SASH1: variants seen among roughly 807,000 people sequenced by gnomAD.
SASH1 encodes SAM and SH3 domain-containing protein 1.
A neutral mutation model predicts 125.2 loss-of-function variants in SASH1; 44 were observed. The observed-to-expected ratio is 0.35, with a 90% confidence interval of 0.28 to 0.45. The LOEUF is 0.45. Among genes scored for constraint, SASH1 ranks in the 20% least tolerant of loss-of-function variants. The probability of loss-of-function intolerance (pLI) is 1.00; values close to 1 mark genes in which losing one functional copy is unlikely to be tolerated. For missense variants in SASH1, 1,426 were observed against 1,614.5 expected (o/e 0.88, Z 2.00); for synonymous variants, 639 against 649.1 (o/e 0.98, Z 0.24).
chr6:148,427,846 C>T (rs184188397), intron 2 of SASH1, among the ~76,000 whole-genome samples: 1 of 152,310 alleles, frequency 6.6e-6, no homozygotes, highest in East Asian at 1.9e-4. Context: ...GAGTGTGGAC[C>T]TCAGGGAGGC....
Position 148,510,625 on chromosome 6 carries a change from T to A in SASH1, c.730-3699T>A, listed in dbSNP as rs148000330. ...TTAAAATATACATAGTATTTGAATT[T>A]AAAAATTATATATTTTTTATGTTTA... On this transcript the variant is annotated intron_variant, in intron 8 of 19. Coordinates refer to ENST00000367467, the MANE Select transcript of SASH1 (RefSeq NM_015278.5). Among the ~76,000 whole-genome samples the A allele has an allele frequency of 4.4e-3, 672 of 152,176 alleles. 5 individuals carry two copies. Among genetic ancestry groups the A allele is most frequent in the African/African-American group, 0.016 (651 of 41,566 alleles).
At chr6:148,210,607 C>G in the SASH1 span, among the ~76,000 whole-genome samples, 1 of 152,208 alleles carries the variant, frequency 6.6e-6, no homozygotes, top group Non-Finnish European at 1.5e-5. Context: ...GGTTTTTTCT[C>G]TGTTCCAAGA....
At chr6:148,391,031 G>A (rs887613097) in intron 2 of SASH1, among the ~76,000 whole-genome samples, 1 of 151,088 alleles carries the variant, frequency 6.6e-6, no homozygotes, top group African/African-American at 2.5e-5. Flanking sequence ...CAATAATCAC[G>A]TTGGTGTTTT....
Position 148,544,517 on chromosome 6 carries a change from C to A in SASH1, c.3047C>A (p.Ala1016Glu), listed in dbSNP as rs367842173. ...AGTGGGGCCCTCCCCAGTCCCGATGCGCCATGCCTGCCAGTGAAAAGGGGC... is the reference window on the plus strand; with the variant it reads ...AGTGGGGCCCTCCCCAGTCCCGATGAGCCATGCCTGCCAGTGAAAAGGGGC... The part of the protein sequence containing the change: ...GPSGALPSPD[A>E]PCLPVKRGSP... The change falls in exon 18 of 20, where the codon GCG becomes GAG. Residue 1016 changes from alanine (A) to glutamate (E), a missense_variant. Physicochemically the swap from Ala to Glu is moderately radical, Grantham distance 107. Transcript: ENST00000367467. The surrounding 1 kb of genome is among the most constrained non-coding windows in gnomAD (Gnocchi z 6.4). 1 of 1,613,258 alleles carries A rather than the reference C, an allele frequency of 6.2e-7. No individual in the cohort carries two copies. The highest frequency in any genetic ancestry group is 8.5e-7 in the Non-Finnish European group (1 of 1,179,984).
Position 148,505,343 on chromosome 6 carries a change from T to C in SASH1, c.730-8981T>C, listed in dbSNP as rs540282101. 4.6e-5 allele frequency among the ~76,000 whole-genome samples: 7 copies of C among 152,374 alleles called. No homozygotes were observed. In the South Asian group the frequency reaches 1.5e-3, roughly 32 times the overall value. On this transcript the variant is annotated intron_variant, in intron 8 of 19. Coordinates refer to ENST00000367467, the MANE Select transcript of SASH1 (RefSeq NM_015278.5). ...TGTTTTTGTTTTTTGAGATGGAGTC[T>C]TGCTCTGTCACCCAGGCTGGAGTGC...
the SASH1 span, among the ~76,000 whole-genome samples, chr6:148,228,856 C>T: frequency 6.6e-6 from 1 of 152,128 alleles, no homozygotes; most frequent in African/African-American, 2.4e-5. Context: ...AAAATCTTGG[C>T]TGGGCGCAGT....
At chr6:148,239,122 A>T in the SASH1 span, among the ~76,000 whole-genome samples, 3 of 152,142 alleles carry the variant, frequency 2.0e-5, no homozygotes, top group African/African-American at 7.2e-5. Flanking sequence ...TTCTGAACTT[A>T]TTTGAGGTAG....
intron 1 of SASH1, among the ~76,000 whole-genome samples, chr6:148,352,368 C>T (rs1176110119): frequency 4.6e-5 from 7 of 151,798 alleles, no homozygotes; most frequent in East Asian, 1.9e-4. Flanking sequence ...GAGGCCAAGG[C>T]GGTGGATCAC....
intron 1 of SASH1, among the ~76,000 whole-genome samples, chr6:148,379,646 A>T (rs1262790126): frequency 6.6e-6 from 1 of 152,144 alleles, no homozygotes; most frequent in Non-Finnish European, 1.5e-5. Context: ...CATTCATTTG[A>T]TAAGTATTTA....
chr6:148,349,331 C>T (rs1230589120), intron 1 of SASH1, among the ~76,000 whole-genome samples: 3 of 127,334 alleles, frequency 2.4e-5, no homozygotes, highest in East Asian at 2.6e-4. Context: ...GGCGCGATCT[C>T]GGCTCACTGC....
At chr6:148,526,304 C>T (rs1337297380) in intron 11 of SASH1, among the ~76,000 whole-genome samples, 6 of 152,106 alleles carry the variant, frequency 3.9e-5, no homozygotes, top group East Asian at 1.9e-4. Context: ...CCTTGTGATC[C>T]GCCCATCTTG....
chr6:148,248,565 G>A, the SASH1 span, among the ~76,000 whole-genome samples: 1 of 152,150 alleles, frequency 6.6e-6, no homozygotes, highest in Non-Finnish European at 1.5e-5. Flanking sequence ...TTATAAAGAA[G>A]CAATTACCAT....
chr6:148,334,578 G>T (rs1266177578), intron 1 of SASH1, among the ~76,000 whole-genome samples: 1 of 151,952 alleles, frequency 6.6e-6, no homozygotes, highest in Non-Finnish European at 1.5e-5. Context: ...TTGGGAGGCC[G>T]AGGCAGGCGG....
Position 148,529,942 on chromosome 6 carries a change from GA to G in SASH1, c.1429-1583del, listed in dbSNP as rs1408044367. 6.6e-6 allele frequency among the ~76,000 whole-genome samples: 1 copy of G among 152,046 alleles called. No homozygotes were observed. On this transcript the variant is annotated intron_variant, in intron 12 of 19. Coordinates refer to ENST00000367467, the MANE Select transcript of SASH1 (RefSeq NM_015278.5). The surrounding 1 kb of genome is among the most constrained non-coding windows in gnomAD (Gnocchi z 4.2). Reference sequence around the variant, plus strand: ...CCACCTCAGCCTCTTGAGTAGCTGGGACTACAGGCACGTGCCACCATACCCG... The same window carrying G: ...CCACCTCAGCCTCTTGAGTAGCTGGGCTACAGGCACGTGCCACCATACCCG...
intron 16 of SASH1, among the ~76,000 whole-genome samples, chr6:148,539,839 T>C (rs1782111062): frequency 6.6e-6 from 1 of 151,984 alleles, no homozygotes; most frequent in African/African-American, 2.4e-5. Flanking sequence ...AGTTTTGGGG[T>C]TTGTGCCTCG....
intron 1 of SASH1, among the ~76,000 whole-genome samples, chr6:148,388,469 C>A (rs951104070): frequency 6.6e-6 from 1 of 152,216 alleles, no homozygotes; most frequent in African/African-American, 2.4e-5. Flanking sequence ...TTTGTCCAGA[C>A]ACATTCAAAG....
intron 1 of SASH1, among the ~76,000 whole-genome samples, chr6:148,378,654 T>G (rs866814181): frequency 6.6e-6 from 1 of 152,222 alleles, no homozygotes; most frequent in South Asian, 2.1e-4. Flanking sequence ...GCCTGGTTGA[T>G]AATTCTTTCT....
chr6:148,282,431 G>C (rs1348650038), intron 1 of SASH1, among the ~76,000 whole-genome samples: 1 of 152,020 alleles, frequency 6.6e-6, no homozygotes, highest in African/African-American at 2.4e-5. Context: ...GCCCAGGCTG[G>C]AGTGCAGTGG....
At chr6:148,467,566 T>C (rs1010516576) in intron 4 of SASH1, among the ~76,000 whole-genome samples, 2 of 152,142 alleles carry the variant, frequency 1.3e-5, no homozygotes, top group Non-Finnish European at 2.9e-5. Flanking sequence ...CAGACATGTA[T>C]TGATTAATTT....
Sources: allele counts gnomAD v4.1 joint callset (sites outside exome capture counted in the v4.1 genomes callset), GRCh38; gene constraint gnomAD v4.1.1; non-coding constraint Gnocchi (gnomAD v3.1); transcripts MANE v1.5; gene names NCBI Gene and HGNC (gene_info 2026-07-23, HGNC 2026-07-21).